Variants in NEMF observed in about 807,000 individuals in gnomAD.
The protein encoded by NEMF is nuclear export mediator factor, also known as ribosome quality control complex subunit NEMF.
A neutral mutation model predicts 162.2 loss-of-function variants in NEMF; 89 were observed. That is an observed-to-expected ratio of 0.55 (90% CI 0.46 to 0.65). The LOEUF (loss-of-function observed/expected upper bound fraction) is 0.65. Among genes scored for constraint, NEMF ranks in the 30% least tolerant of loss-of-function variants. The pLI is 0.00. For synonymous variants in NEMF, 421 were observed against 404.5 expected, an observed-to-expected ratio of 1.04 and a Z score of -0.49; for missense variants, 1,133 against 1,261.9, an observed-to-expected ratio of 0.90 and a Z score of 1.55.
rs989172122 is a variant in NEMF, at chr14:49,783,934, T to G, written c.*702A>C. ...TTTTCAAGACACAATCCTAAATATTTAAACCCCTTGTAGCTGGCCTATAAT... is the reference window on the plus strand; with the variant it reads ...TTTTCAAGACACAATCCTAAATATTGAAACCCCTTGTAGCTGGCCTATAAT... On this transcript the variant is annotated 3_prime_UTR_variant, in exon 33 of 33. Transcript: ENST00000298310. 2.6e-5 allele frequency: 4 copies of G among 152,170 alleles called. No individual in the cohort carries two copies. Among genetic ancestry groups the G allele is most frequent in the Non-Finnish European group, 5.9e-5 (4 of 68,008 alleles). 9.4% of individuals were successfully genotyped at this position (152,170 alleles called of 1,614,324 possible).
intron 26 of NEMF, among the ~76,000 whole-genome samples, chr14:49,791,092 T>C (rs1371222716): frequency 6.6e-6 from 1 of 150,774 alleles, no homozygotes; most frequent in East Asian, 2.0e-4. Context: ...TCCCAGCACT[T>C]TGGGTGGCCG....
At chr14:49,813,885 T>C in intron 18 of NEMF, 103 bp downstream of exon 18, 1 of 704,512 alleles carries the variant, frequency 1.4e-6, no homozygotes, top group African/African-American at 1.8e-5. Flanking sequence ...ATTACAGGCA[T>C]GAGCCACCAC....
At chr14:49,814,691 A>G in intron 17 of NEMF, 63 bp downstream of exon 17, 2 of 816,636 alleles carry the variant, frequency 2.4e-6, no homozygotes, top group Non-Finnish European at 4.0e-6. Flanking sequence ...ATCAATGCCT[A>G]ATATTGAGAT....
At chr14:49,820,746 T>G (rs140829395) in intron 16 of NEMF, among the ~76,000 whole-genome samples, 2,490 of 152,204 alleles carry the variant, frequency 0.016, 65 homozygotes, top group African/African-American at 0.056. Context: ...GCCTGCCGAG[T>G]GCCTGCGATT....
intron 4 of NEMF, 105 bp downstream of exon 4, chr14:49,846,035 C>G (rs765801477): frequency 1.1e-6 from 1 of 931,024 alleles, no homozygotes; most frequent in Non-Finnish European, 1.6e-6. Flanking sequence ...GTAGTAACAA[C>G]CTTTGACACA....
intron 16 of NEMF, among the ~76,000 whole-genome samples, chr14:49,824,271 G>A (rs1176224389): frequency 4.6e-5 from 7 of 152,032 alleles, no homozygotes; most frequent in South Asian, 4.1e-4. Context: ...GAGGCGGGGC[G>A]TGGTGGCTCA....
chr14:49,833,723 C>T (rs1268269036), intron 7 of NEMF, among the ~76,000 whole-genome samples: 2 of 152,202 alleles, frequency 1.3e-5, no homozygotes, highest in Non-Finnish European at 2.9e-5. Context: ...CCTTTCCCTC[C>T]ATGACCTGAA....
chr14:49,793,404 C>T (rs1043612794), intron 26 of NEMF, among the ~76,000 whole-genome samples: 34 of 152,118 alleles, frequency 2.2e-4, no homozygotes, highest in African/African-American at 8.0e-4. Context: ...ATAGGTAGGG[C>T]GCAGTGGCTC....
At chr14:49,813,209 T>G (rs1164617751) in intron 18 of NEMF, among the ~76,000 whole-genome samples, 1 of 152,200 alleles carries the variant, frequency 6.6e-6, no homozygotes, top group Non-Finnish European at 1.5e-5. Context: ...TGCAGCATGA[T>G]GACTCAAAGA....
At chr14:49,825,314 A>G (rs979440822) in intron 16 of NEMF, among the ~76,000 whole-genome samples, 1 of 152,234 alleles carries the variant, frequency 6.6e-6, no homozygotes, top group African/African-American at 2.4e-5. Context: ...TAGTAAGAAT[A>G]TAAAACAGAA....
intron 23 of NEMF, 99 bp downstream of exon 23, chr14:49,800,321 A>G: frequency 2.2e-6 from 2 of 920,282 alleles, no homozygotes; most frequent in Non-Finnish European, 3.2e-6. Context: ...AATGGAGTGT[A>G]AAAGTACTGA....
In NEMF at chr14:49,782,787, C is replaced by G. The variant is rs779531644; in HGVS notation, c.*1849G>C. 6.3e-7 allele frequency: 1 copy of G among 1,594,716 alleles called. No individual in the cohort carries two copies. The highest frequency in any genetic ancestry group is 1.1e-5 in the South Asian group (1 of 87,838). ...TTTTTCAAGTGAATGTACTTCCAAACAGTAAAGTGAAATTACTTTTCTCTT... is the reference window on the plus strand; with the variant it reads ...TTTTTCAAGTGAATGTACTTCCAAAGAGTAAAGTGAAATTACTTTTCTCTT... On this transcript the variant is annotated 3_prime_UTR_variant, in exon 33 of 33. Transcript: ENST00000298310.
chr14:49,811,747 T>G (rs1259435489), intron 18 of NEMF, among the ~76,000 whole-genome samples: 2 of 152,218 alleles, frequency 1.3e-5, no homozygotes, highest in East Asian at 3.8e-4. Context: ...ATTACATTAA[T>G]TTCCATATAC....
chr14:49,782,542 G>GCA lies in NEMF; in HGVS notation c.*2092_*2093dup, dbSNP rs772267806. 1 of 1,606,464 alleles carries GCA rather than the reference G, an allele frequency of 6.2e-7. No homozygotes were observed. The highest frequency in any genetic ancestry group is 8.5e-7 in the Non-Finnish European group (1 of 1,174,940). ...TGTGTTCTTCCTATTTATTTTTCAG[G>GCA]CACACAGTAATGAAATACTAATATT... On this transcript the variant is annotated 3_prime_UTR_variant, in exon 33 of 33. Coordinates refer to ENST00000298310, the MANE Select transcript of NEMF (RefSeq NM_004713.6).
intron 5 of NEMF, among the ~76,000 whole-genome samples, chr14:49,838,585 GTTTTTTT>G (rs200414717): frequency 7.7e-6 from 1 of 129,836 alleles, no homozygotes; most frequent in Non-Finnish European, 1.7e-5. Flanking sequence ...TTTTTGTTTG[GTTTTTTT>G]TTTTTTTTTT....
intron 16 of NEMF, among the ~76,000 whole-genome samples, chr14:49,819,321 A>C (rs1159569616): frequency 6.6e-6 from 1 of 152,050 alleles, no homozygotes; most frequent in Non-Finnish European, 1.5e-5. Context: ...ACGTGAGATG[A>C]TGCATATGTT....
chr14:49,807,423 T>C (rs1341704989), intron 18 of NEMF, among the ~76,000 whole-genome samples: 1 of 152,216 alleles, frequency 6.6e-6, no homozygotes, highest in African/African-American at 2.4e-5. Context: ...CTGGGTCAAT[T>C]ATGTTTAACA....
At chr14:49,789,464 C>A in intron 27 of NEMF, 32 bp downstream of exon 27, 1 of 1,608,010 alleles carries the variant, frequency 6.2e-7, no homozygotes, top group Non-Finnish European at 8.5e-7. Flanking sequence ...ATTTGAAAAG[C>A]AAAAGAAAAA....
intron 31 of NEMF, 35 bp from the exon 32 acceptor site, chr14:49,785,039 G>A: frequency 4.4e-6 from 7 of 1,606,038 alleles, no homozygotes; most frequent in Non-Finnish European, 6.0e-6. Flanking sequence ...ATAATCTACT[G>A]TTAAGTCACT....
Sources: allele counts gnomAD v4.1 joint callset (sites outside exome capture counted in the v4.1 genomes callset), GRCh38; gene constraint gnomAD v4.1.1; transcripts MANE v1.5; gene names NCBI Gene and HGNC (gene_info 2026-07-23, HGNC 2026-07-21).